LOC400499: variants seen among roughly 807,000 people sequenced by gnomAD.
At chr16:11,438,876 C>CT in the LOC400499 span, among the ~76,000 whole-genome samples, 4 of 152,134 alleles carry the variant, frequency 2.6e-5, no homozygotes, top group African/African-American at 9.7e-5. Context: ...AGAAAGACAG[C>CT]TTGGGGCCAA....
At chr16:11,459,671 G>C in the LOC400499 span, among the ~76,000 whole-genome samples, 1 of 152,188 alleles carries the variant, frequency 6.6e-6, no homozygotes, top group Non-Finnish European at 1.5e-5. Context: ...GGAAATCTAT[G>C]TTTCCCAAGC....
At chr16:11,509,119 T>TA in the LOC400499 span, among the ~76,000 whole-genome samples, 2 of 103,984 alleles carry the variant, frequency 1.9e-5, no homozygotes, top group East Asian at 2.2e-4. Flanking sequence ...TCCTTTTTTT[T>TA]CTTTTTTTTT....
chr16:11,475,468 C>G, the LOC400499 span, among the ~76,000 whole-genome samples: 23 of 152,314 alleles, frequency 1.5e-4, no homozygotes, highest in African/African-American at 4.1e-4. Context: ...AAGTAGATGT[C>G]TAAATTGATT....
chr16:11,522,156 A>G, the LOC400499 span: 4 of 398,896 alleles, frequency 1.0e-5, no homozygotes, highest in African/African-American at 2.1e-5. Context: ...TTGAACCTGC[A>G]GCCCTCTGGG....
chr16:11,437,425 G>GT, the LOC400499 span, among the ~76,000 whole-genome samples: 18 of 152,310 alleles, frequency 1.2e-4, no homozygotes, highest in Admixed American at 1.2e-3. Flanking sequence ...TGAGCGTGGT[G>GT]GCATGCACCT....
chr16:11,507,614 G>A, the LOC400499 span, among the ~76,000 whole-genome samples: 1 of 152,216 alleles, frequency 6.6e-6, no homozygotes, highest in Non-Finnish European at 1.5e-5. Flanking sequence ...TATTGTCTGA[G>A]CATACACTAA....
the LOC400499 span, among the ~76,000 whole-genome samples, chr16:11,458,505 C>CAA: frequency 0.018 from 2,010 of 113,466 alleles, 49 homozygotes; most frequent in African/African-American, 0.06. Context: ...AACTCTGTCT[C>CAA]AAAAAAAAAA....
chr16:11,415,960 GTT>G, the LOC400499 span, among the ~76,000 whole-genome samples: 87,889 of 146,184 alleles, frequency 0.6, 26,396 homozygotes, highest in Non-Finnish European at 0.63. Flanking sequence ...TTGTTGTTTT[GTT>G]TTTTTTTTTT....
the LOC400499 span, among the ~76,000 whole-genome samples, chr16:11,432,761 C>T: frequency 6.6e-6 from 1 of 152,188 alleles, no homozygotes; most frequent in South Asian, 2.1e-4. Flanking sequence ...TTTCGTGGTG[C>T]ACAGCTGTGG....
At chr16:11,510,888 T>C in the LOC400499 span, among the ~76,000 whole-genome samples, 2 of 151,502 alleles carry the variant, frequency 1.3e-5, no homozygotes, top group Admixed American at 6.6e-5. Context: ...GGATAAAGTC[T>C]CATTTCTGAG....
the LOC400499 span, among the ~76,000 whole-genome samples, chr16:11,466,915 T>C: frequency 7.8e-6 from 1 of 128,814 alleles, no homozygotes; most frequent in Non-Finnish European, 1.9e-5. Flanking sequence ...CGTACGTATA[T>C]GTGTATTGTG....
chr16:11,393,381 T>G, the LOC400499 span: 4 of 1,232,106 alleles, frequency 3.2e-6, no homozygotes, highest in African/African-American at 6.2e-5. Context: ...GGGACCCAGC[T>G]GCCACTCACC....
chr16:11,447,869 G>A, the LOC400499 span: 9 of 1,474,372 alleles, frequency 6.1e-6, no homozygotes, highest in Non-Finnish European at 8.1e-6. Flanking sequence ...TCCCCCTGGG[G>A]ATGCTCCGTG....
At chr16:11,486,077 TGTATGGATGGATGGAC>T in the LOC400499 span, among the ~76,000 whole-genome samples, 888 of 150,100 alleles carry the variant, frequency 5.9e-3, 11 homozygotes, top group African/African-American at 0.02. Flanking sequence ...GATGGATGGA[TGTATGGATGGATGGAC>T]GGATAGATGG....
chr16:11,477,740 G>C, the LOC400499 span: 1 of 397,554 alleles, frequency 2.5e-6, no homozygotes, highest in Non-Finnish European at 4.4e-6. Context: ...TACCCATACG[G>C]ATGTCACCCA....
chr16:11,508,180 G>T, the LOC400499 span, among the ~76,000 whole-genome samples: 2 of 152,126 alleles, frequency 1.3e-5, no homozygotes, highest in Non-Finnish European at 2.9e-5. Context: ...CTTACATGTG[G>T]GTTCAGGGCC....
At chr16:11,455,945 C>T in the LOC400499 span, among the ~76,000 whole-genome samples, 509 of 151,608 alleles carry the variant, frequency 3.4e-3, 6 homozygotes, top group African/African-American at 0.012. Context: ...GACCCAGCTT[C>T]GACAATGAGC....
At chr16:11,459,402 T>C in the LOC400499 span, among the ~76,000 whole-genome samples, 1 of 152,020 alleles carries the variant, frequency 6.6e-6, no homozygotes, top group East Asian at 2.0e-4. Context: ...TTCGCCGTGT[T>C]AGCCAGGATG....
At chr16:11,445,171 A>C in the LOC400499 span, among the ~76,000 whole-genome samples, 2 of 152,044 alleles carry the variant, frequency 1.3e-5, no homozygotes, top group African/African-American at 4.8e-5. Context: ...CGGTAATCCC[A>C]GCACTTTGGG....
Sources: allele counts gnomAD v4.1 joint callset (sites outside exome capture counted in the v4.1 genomes callset), GRCh38; gene constraint gnomAD v4.1.1; transcripts MANE v1.5.